The following PARD3 variants were observed in gnomAD, a reference collection of about 807,000 sequenced individuals.
PARD3 encodes the protein partitioning defective 3 homolog.
A neutral mutation model predicts 155.4 loss-of-function variants in PARD3; 75 were observed. The ratio of observed to expected loss-of-function variants is 0.48; its 90% confidence interval spans 0.40 to 0.58. PARD3 has a LOEUF of 0.58. Among genes scored for constraint, PARD3 ranks in the 20% least tolerant of loss-of-function variants. The pLI is 0.00. For missense variants in PARD3, 1,642 were observed against 1,721.7 expected (o/e 0.95, Z 0.82); for synonymous variants, 576 against 610.5 (o/e 0.94, Z 0.83).
At chr10:34,450,196 T>C (rs184272567) in intron 5 of PARD3, 121 bp downstream of exon 5, 98 of 922,864 alleles carry the variant, frequency 1.1e-4, no homozygotes, top group Non-Finnish European at 1.4e-4. Flanking sequence ...GGTACTTAAC[T>C]AAAGTTTGTT....
At chr10:34,713,290 T>C (rs1404242537) in intron 1 of PARD3, among the ~76,000 whole-genome samples, 1 of 152,112 alleles carries the variant, frequency 6.6e-6, no homozygotes, top group South Asian at 2.1e-4. Flanking sequence ...AACCTTTTCT[T>C]CTTAGAACAG....
chr10:34,293,142 A>G (rs947999531), intron 20 of PARD3, among the ~76,000 whole-genome samples: 4 of 152,236 alleles, frequency 2.6e-5, no homozygotes, highest in African/African-American at 9.6e-5. Context: ...AAAACACAAG[A>G]TAAATACACA....
intron 9 of PARD3, among the ~76,000 whole-genome samples, chr10:34,379,149 G>C (rs1841566188): frequency 2.0e-5 from 3 of 152,060 alleles, no homozygotes; most frequent in Admixed American, 2.0e-4. Flanking sequence ...GATCTGTAAA[G>C]GTGAAAAATC....
chr10:34,300,126 T>C (rs1121908), intron 20 of PARD3, among the ~76,000 whole-genome samples: 102,998 of 152,062 alleles, frequency 0.68, 35,852 homozygotes, highest in African/African-American at 0.84. Context: ...ACTTTATGTC[T>C]CTTTGGATAG....
intron 20 of PARD3, among the ~76,000 whole-genome samples, chr10:34,295,424 C>G (rs541082989): frequency 6.6e-6 from 1 of 152,308 alleles, no homozygotes; most frequent in African/African-American, 2.4e-5. Flanking sequence ...ATCCCATTTC[C>G]ATCTTCTCAG....
chr10:34,312,183 CCAAAT>C, intron 20 of PARD3: 1 of 1,225,494 alleles, frequency 8.2e-7, no homozygotes, highest in Non-Finnish European at 1.1e-6. Flanking sequence ...TCCAAAAGTT[CCAAAT>C]GGATTAATAA....
At chr10:34,726,805 G>A (rs2094722672) in intron 1 of PARD3, among the ~76,000 whole-genome samples, 1 of 151,680 alleles carries the variant, frequency 6.6e-6, no homozygotes, top group South Asian at 2.1e-4. Flanking sequence ...GGTCTTTTCT[G>A]TCTCATATGT....
intron 22 of PARD3, among the ~76,000 whole-genome samples, chr10:34,222,444 C>A (rs772590937): frequency 3.9e-5 from 6 of 152,224 alleles, no homozygotes; most frequent in Non-Finnish European, 7.3e-5. Flanking sequence ...AAATGGGAGA[C>A]CCCTTCAAGA....
intron 22 of PARD3, among the ~76,000 whole-genome samples, chr10:34,196,768 T>C (rs1219079131): frequency 5.3e-5 from 8 of 151,822 alleles, no homozygotes; most frequent in Non-Finnish European, 1.0e-4. Context: ...AGAGACAGGG[T>C]TACACCGTGT....
intron 1 of PARD3, among the ~76,000 whole-genome samples, chr10:34,735,621 C>T (rs1286672720): frequency 6.6e-6 from 1 of 152,184 alleles, no homozygotes; most frequent in Non-Finnish European, 1.5e-5. Flanking sequence ...AACCTACCCA[C>T]ATGGGCTTCC....
intron 22 of PARD3, among the ~76,000 whole-genome samples, chr10:34,184,669 G>A (rs1438523271): frequency 6.7e-6 from 1 of 149,272 alleles, no homozygotes; most frequent in Non-Finnish European, 1.5e-5. Context: ...ACCAACGCCT[G>A]CACATCATCC....
At chr10:34,337,517 T>C (rs1197403540) in intron 16 of PARD3, 91 bp from the exon 17 acceptor site, 10 of 602,276 alleles carry the variant, frequency 1.7e-5, no homozygotes, top group Non-Finnish European at 2.3e-5. Context: ...CAAGTGTAAA[T>C]ATACATATGT....
chr10:34,738,151 C>A (rs1417359608), intron 1 of PARD3, among the ~76,000 whole-genome samples: 4 of 152,228 alleles, frequency 2.6e-5, no homozygotes, highest in Non-Finnish European at 5.9e-5. Flanking sequence ...TCTTCTCCCA[C>A]TCTTGCCCCA....
chr10:34,574,760 A>T (rs1474211483), intron 2 of PARD3, among the ~76,000 whole-genome samples: 1 of 152,184 alleles, frequency 6.6e-6, no homozygotes, highest in Non-Finnish European at 1.5e-5. Context: ...TCCCTCAAAA[A>T]ATACTCTTGG....
intron 2 of PARD3, among the ~76,000 whole-genome samples, chr10:34,680,157 T>C (rs2093784728): frequency 6.6e-6 from 1 of 152,018 alleles, no homozygotes; most frequent in Non-Finnish European, 1.5e-5. Flanking sequence ...AAGTACTGAA[T>C]ACTATGAATA....
At chr10:34,312,212 C>T (rs965345203) in intron 20 of PARD3, 1 of 1,486,618 alleles carries the variant, frequency 6.7e-7, no homozygotes, top group Non-Finnish European at 9.1e-7. Context: ...AATTACTAAA[C>T]CATCAAACTG....
chr10:34,433,433 A>C (rs2076043320), intron 5 of PARD3, among the ~76,000 whole-genome samples: 1 of 152,198 alleles, frequency 6.6e-6, no homozygotes, highest in Non-Finnish European at 1.5e-5. Flanking sequence ...GCCAACCTAC[A>C]AAAATATGTT....
chr10:34,497,805 T>C (rs1461413950), intron 3 of PARD3, among the ~76,000 whole-genome samples: 1 of 152,198 alleles, frequency 6.6e-6, no homozygotes, highest in African/African-American at 2.4e-5. Context: ...AGATGTGCTT[T>C]GACTATGAAA....
chr10:34,793,431 C>T (rs1841896910), intron 1 of PARD3, among the ~76,000 whole-genome samples: 1 of 152,142 alleles, frequency 6.6e-6, no homozygotes, highest in Admixed American at 6.6e-5. Flanking sequence ...ACTTGGAAAA[C>T]CACACAGAAC....
Sources: allele counts gnomAD v4.1 joint callset (sites outside exome capture counted in the v4.1 genomes callset), GRCh38; gene constraint gnomAD v4.1.1; transcripts MANE v1.5; gene names NCBI Gene and HGNC (gene_info 2026-07-23, HGNC 2026-07-21).